NR1I2: variants seen among roughly 807,000 people sequenced by gnomAD.
The protein encoded by NR1I2 is nuclear receptor subfamily 1 group I member 2, also known as orphan nuclear receptor PAR1.
In NR1I2, 42 loss-of-function variants were observed where a neutral mutation model predicts 43.3. The observed-to-expected ratio is 0.97, with a 90% confidence interval of 0.76 to 1.26. NR1I2 has a LOEUF of 1.26. NR1I2 is among the 50% of genes most tolerant of loss of function. The pLI, the probability that NR1I2 is intolerant of heterozygous loss-of-function variation, is 0.00. For synonymous variants in NR1I2, 229 were observed against 215.0 expected (o/e 1.06, Z -0.57); for missense variants, 559 against 566.7 (o/e 0.99, Z 0.14).
intron 1 of NR1I2, among the ~76,000 whole-genome samples, chr3:119,803,749 T>G (rs1344489507): frequency 6.6e-6 from 1 of 151,684 alleles, no homozygotes; most frequent in African/African-American, 2.4e-5. Flanking sequence ...TGAAACCATC[T>G]TTCTCAGTGT....
At chr3:119,783,176 A>G (rs1158439145) in intron 1 of NR1I2, among the ~76,000 whole-genome samples, 1 of 151,286 alleles carries the variant, frequency 6.6e-6, no homozygotes, top group Non-Finnish European at 1.5e-5. Context: ...TTAATGGGAA[A>G]AAGTATTTTG....
intron 2 of NR1I2, among the ~76,000 whole-genome samples, chr3:119,807,848 C>G (rs1464600): frequency 6.6e-6 from 1 of 152,096 alleles, no homozygotes; most frequent in African/African-American, 2.4e-5. Flanking sequence ...AGGGGAAGGG[C>G]GGGGAGGGGA....
chr3:119,817,144 CGCATCCAGGACAT>C lies in NR1I2; in HGVS notation c.1238_1250del (p.Arg413HisfsTer66). 6.2e-7 allele frequency: 1 copy of C among 1,614,176 alleles called. No homozygotes were observed. Among genetic ancestry groups the C allele is most frequent in the Non-Finnish European group, 8.5e-7 (1 of 1,180,004 alleles). On this transcript the variant is annotated frameshift_variant, in exon 9 of 9. Transcript: ENST00000393716. LOFTEE classifies it high-confidence loss of function. ...TGCTCAGCACACCCAGCGGCTGCTG[CGCATCCAGGACAT>C]ACACCCCTTTGCTACGCCCCTCATG...
chr3:119,783,200 C>A (rs577010376), intron 1 of NR1I2, among the ~76,000 whole-genome samples: 1 of 152,110 alleles, frequency 6.6e-6, no homozygotes, highest in African/African-American at 2.4e-5. Context: ...TACACAAATA[C>A]GCTTTAAAAA....
intron 1 of NR1I2, among the ~76,000 whole-genome samples, chr3:119,786,941 A>G (rs1010700468): frequency 6.6e-6 from 1 of 152,198 alleles, no homozygotes; most frequent in Non-Finnish European, 1.5e-5. Flanking sequence ...TGAAAAAACA[A>G]CTTGCATCAT....
At position 119,815,434 on chromosome 3, in the gene NR1I2, C is replaced by A; in HGVS notation, c.1049C>A (p.Ser350Tyr). The change falls in exon 7 of 9, where the codon TCC becomes TAC. Residue 350 changes from serine to tyrosine, a missense_variant. By Grantham distance (144) the Ser-to-Tyr change is moderately radical. Transcript: ENST00000393716. ...CTGATGCAGGCCATCTCCCTCTTCT[C>A]CCCAGGTGAGGATCTCCCCTAGGCT... The A allele has an allele frequency of 6.2e-7, 1 of 1,610,086 alleles. No homozygotes were observed. The highest frequency in any genetic ancestry group is 1.1e-5 in the South Asian group (1 of 90,974).
At chr3:119,802,949 C>T (rs1249170392) in intron 1 of NR1I2, 1 of 456,576 alleles carries the variant, frequency 2.2e-6, no homozygotes, top group African/African-American at 2.0e-5. Flanking sequence ...ATCCTCATCC[C>T]CAGTGTGATG....
chr3:119,784,878 AT>A (rs887640010), intron 1 of NR1I2, among the ~76,000 whole-genome samples: 15 of 151,396 alleles, frequency 9.9e-5, no homozygotes, highest in East Asian at 3.9e-4. Flanking sequence ...TTTCTACTTG[AT>A]TTTTTCCCCC....
At chr3:119,812,328 C>T (rs948870151) in intron 4 of NR1I2, among the ~76,000 whole-genome samples, 1 of 152,170 alleles carries the variant, frequency 6.6e-6, no homozygotes, top group Non-Finnish European at 1.5e-5. Context: ...CTCTTCCCAT[C>T]CATAGCACCC....
intron 1 of NR1I2, chr3:119,802,917 T>A: frequency 2.2e-6 from 1 of 456,672 alleles, no homozygotes; most frequent in South Asian, 1.5e-5. Context: ...TGTTTATGTT[T>A]CCCCCAAATT....
chr3:119,814,906 G>A (rs1192472091), intron 5 of NR1I2, 73 bp from the exon 6 acceptor site: 1 of 1,593,754 alleles, frequency 6.3e-7, no homozygotes. Context: ...TCTGGATTAT[G>A]GGATGGCTGC....
At chr3:119,786,781 T>G (rs1440933759) in intron 1 of NR1I2, among the ~76,000 whole-genome samples, 1 of 152,232 alleles carries the variant, frequency 6.6e-6, no homozygotes, top group Non-Finnish European at 1.5e-5. Flanking sequence ...CTTCTCTTTC[T>G]TGAATTCATA....
intron 1 of NR1I2, chr3:119,782,991 G>T (rs2054797512): frequency 2.7e-6 from 2 of 732,430 alleles, no homozygotes; most frequent in Non-Finnish European, 4.9e-6. Flanking sequence ...CAGAGGCACT[G>T]CTTTAAGGCC....
At position 119,817,788 on chromosome 3, in the gene NR1I2, C is replaced by T. The variant is rs1252566560; in HGVS notation, c.*576C>T. ...GAGATGAGAAGCCAGGAGGCCTGCA[C>T]CAAATGTCAGAAGCTTGGCATGACC... On this transcript the variant is annotated 3_prime_UTR_variant, in exon 9 of 9. Transcript: ENST00000393716. 5 of 1,001,240 alleles carry T rather than the reference C, an allele frequency of 5.0e-6. No individual in the cohort carries two copies. The East Asian group carries it at 4.0e-4, about 80-fold the overall frequency. The allele number at this position is 1,001,240 out of a possible 1,614,324, so 62.0% of individuals were successfully genotyped here.
intron 1 of NR1I2, among the ~76,000 whole-genome samples, chr3:119,796,668 A>T (rs2055004184): frequency 6.6e-6 from 1 of 152,072 alleles, no homozygotes; most frequent in African/African-American, 2.4e-5. Flanking sequence ...CTTTCCCTCC[A>T]CATTCAAACT....
chr3:119,786,950 A>C (rs927427304), intron 1 of NR1I2, among the ~76,000 whole-genome samples: 5 of 152,178 alleles, frequency 3.3e-5, no homozygotes, highest in Non-Finnish European at 5.9e-5. Flanking sequence ...AACTTGCATC[A>C]TGTATCTATT....
rs3732358 is a variant in NR1I2, at chr3:119,817,227, G to A, written c.*15G>A. ...CAGGTAGCTGAGCGGCTGCCCTTGGGTGACACCTCCGAGAGGCAGCCAGAC... is the reference window on the plus strand; with the variant it reads ...CAGGTAGCTGAGCGGCTGCCCTTGGATGACACCTCCGAGAGGCAGCCAGAC... On this transcript the variant is annotated 3_prime_UTR_variant, in exon 9 of 9. Transcript: ENST00000393716. The A allele has an allele frequency of 5.3e-3, 8,603 of 1,613,280 alleles. 258 individuals are homozygous for A. The African/African-American group carries it at 0.081, about 15-fold the overall frequency.
At chr3:119,810,573 G>C (rs2055225599) in intron 3 of NR1I2, 1 of 273,722 alleles carries the variant, frequency 3.7e-6, no homozygotes, top group East Asian at 8.9e-5. Context: ...AGCCACATGG[G>C]TGATAGGACC....
At position 119,802,790 on chromosome 3, in the gene NR1I2, TGG is replaced by T. The variant is rs538361680; in HGVS notation, c.-22-4438_-22-4437del. ...TCATAAGAGTGACTTCCAAGTTATTTGGAATACATAACAGAATATATCTGGTG... is the reference window on the plus strand; with the variant it reads ...TCATAAGAGTGACTTCCAAGTTATTTAATACATAACAGAATATATCTGGTG... On this transcript the variant is annotated intron_variant, in intron 1 of 8. Transcript: ENST00000393716. 3.2e-4 allele frequency: 136 copies of T among 427,934 alleles called. 1 individual carries two copies. Among genetic ancestry groups the T allele is most frequent in the South Asian group, 2.2e-3 (131 of 58,404 alleles). 26.5% of individuals were successfully genotyped at this position (427,934 alleles called of 1,614,324 possible). A position where few individuals can be genotyped will look rare whatever the true frequency, so the allele number is the denominator to read the frequency against.
Sources: allele counts gnomAD v4.1 joint callset (sites outside exome capture counted in the v4.1 genomes callset), GRCh38; gene constraint gnomAD v4.1.1; transcripts MANE v1.5; gene names NCBI Gene and HGNC (gene_info 2026-07-23, HGNC 2026-07-21).